SIDT1: variants seen among roughly 807,000 people sequenced by gnomAD.
SIDT1 encodes the protein SID1 transmembrane family, member 1.
In SIDT1, 101 loss-of-function variants were observed where a neutral mutation model predicts 107.5. The observed-to-expected ratio is 0.94, with a 90% CI of 0.80 to 1.11. The LOEUF is 1.11. Ranked by LOEUF, SIDT1 falls within the 50% of genes least tolerant of loss-of-function variation. SIDT1 has a pLI of 0.00. For missense variants in SIDT1, 1,076 were observed against 1,058.2 expected (o/e 1.02, Z -0.23); for synonymous variants, 395 against 398.2 (o/e 0.99, Z 0.10).
At chr3:113,614,691 C>G (rs959237243) in intron 19 of SIDT1, among the ~76,000 whole-genome samples, 7 of 152,184 alleles carry the variant, frequency 4.6e-5, no homozygotes, top group African/African-American at 1.7e-4. Flanking sequence ...TCATCATTAG[C>G]TCTCATAAAC....
At chr3:113,625,005 A>G (rs1365236086) in intron 23 of SIDT1, among the ~76,000 whole-genome samples, 3 of 152,184 alleles carry the variant, frequency 2.0e-5, no homozygotes, top group Non-Finnish European at 2.9e-5. Flanking sequence ...TATTTTGCCT[A>G]TTGTGAACAG....
chr3:113,615,222 G>A, intron 19 of SIDT1: 1 of 818,136 alleles, frequency 1.2e-6, no homozygotes, highest in Non-Finnish European at 2.0e-6. Context: ...GAGAGGCTCA[G>A]AGGGGAGGCT....
intron 1 of SIDT1, among the ~76,000 whole-genome samples, chr3:113,544,630 A>G (rs72950862): frequency 0.042 from 6,422 of 152,260 alleles, 257 homozygotes; most frequent in African/African-American, 0.11. Flanking sequence ...ATGTGTCTTC[A>G]TTATTAGATC....
chr3:113,562,133 T>C (rs1316250099), intron 1 of SIDT1, among the ~76,000 whole-genome samples: 1 of 152,148 alleles, frequency 6.6e-6, no homozygotes, highest in Non-Finnish European at 1.5e-5. Context: ...GCAGTTTAAA[T>C]ATCATGTGGT....
At position 113,611,108 on chromosome 3, in the gene SIDT1, C is replaced by T; in HGVS notation, c.1821C>T (p.Ser607=). The T allele has an allele frequency of 6.2e-7, 1 of 1,614,146 alleles. No homozygotes were observed. ...INASAYSAYA[S]FAVVIMVTVL... is the part of the protein sequence containing the mutation. ...CCAGCGCCTACTCTGCCTATGCCTC[C>T]TTTGCTGTGGTCATCATGGTCACCG... Residue 607 remains serine, a synonymous_variant, in exon 18 of 25, where the codon TCC becomes TCT. Coordinates refer to ENST00000264852, the MANE Select transcript of SIDT1 (RefSeq NM_017699.3).
chr3:113,564,082 G>A (rs1941689373), intron 1 of SIDT1, among the ~76,000 whole-genome samples: 2 of 152,162 alleles, frequency 1.3e-5, no homozygotes, highest in South Asian at 4.1e-4. Flanking sequence ...CCGAGTAGCT[G>A]TGATTACGGG....
At position 113,601,627 on chromosome 3, in the gene SIDT1, G is replaced by A. The variant is rs1424965014; in HGVS notation, c.1085G>A (p.Ser362Asn). ...NMVASHPIAA[S>N]TPEGSNYGTI... ...GTGGCATCTCATCCCATTGCTGCCA[G>A]CACACCCGAAGGGAGCAATTATGGG... is the stretch of plus-strand genomic sequence containing the variant. The change falls in exon 11 of 25, where the codon AGC becomes AAC. Residue 362 changes from serine (S) to asparagine (N), a missense_variant. Physicochemically the swap from Ser to Asn is conservative, Grantham distance 46. Transcript: ENST00000264852. The A allele has an allele frequency of 1.2e-6, 2 of 1,613,866 alleles. No individual in the cohort carries two copies. The highest frequency in any genetic ancestry group is 8.5e-7 in the Non-Finnish European group (1 of 1,179,790).
chr3:113,574,913 A>G (rs989361793), intron 3 of SIDT1, among the ~76,000 whole-genome samples: 4 of 152,188 alleles, frequency 2.6e-5, no homozygotes, highest in South Asian at 2.1e-4. Context: ...TCTGTTGTCA[A>G]TGACCCCTAA....
chr3:113,541,492 T>C (rs1165560355), intron 1 of SIDT1, among the ~76,000 whole-genome samples: 1 of 152,242 alleles, frequency 6.6e-6, no homozygotes, highest in Non-Finnish European at 1.5e-5. Context: ...TTTAAAGTTC[T>C]AGTCCTTATG....
intron 1 of SIDT1, among the ~76,000 whole-genome samples, chr3:113,561,316 C>G (rs1184147099): frequency 6.6e-6 from 1 of 152,164 alleles, no homozygotes; most frequent in Non-Finnish European, 1.5e-5. Context: ...ATCTCCTACT[C>G]TAATATATTT....
chr3:113,629,914 C>T (rs192468545), downstream of SIDT1, among the ~76,000 whole-genome samples: 36 of 152,316 alleles, frequency 2.4e-4, no homozygotes, highest in Admixed American at 2.1e-3. Context: ...AATATCAGTT[C>T]TAAATGTACA....
At chr3:113,612,275 T>G (rs1945813211) in intron 19 of SIDT1, 81 bp downstream of exon 19, 3 of 997,142 alleles carry the variant, frequency 3.0e-6, no homozygotes, top group Non-Finnish European at 3.2e-6. Context: ...TTATGCTGAA[T>G]GAAAGTGTCA....
Position 113,628,328 on chromosome 3 carries a change from G to A in SIDT1, c.*620G>A, listed in dbSNP as rs1946985265. On this transcript the variant is annotated 3_prime_UTR_variant, in exon 25 of 25. Transcript: ENST00000264852. The stretch of plus-strand genomic sequence containing the variant: ...ATGCCATCAGAAGGGCTCAGGAGTG[G>A]GGTTTGTCACACATTCCTCTTAACA... 1 of 152,996 alleles carries A rather than the reference G, an allele frequency of 6.5e-6. No homozygotes were observed. The highest frequency in any genetic ancestry group is 2.4e-5 in the African/African-American group (1 of 41,436). 9.5% of individuals were successfully genotyped at this position (152,996 alleles called of 1,614,324 possible). A position where few individuals can be genotyped will look rare whatever the true frequency, so the allele number is the denominator to read the frequency against.
intron 17 of SIDT1, among the ~76,000 whole-genome samples, chr3:113,608,760 A>G (rs1348102615): frequency 6.6e-6 from 1 of 152,218 alleles, no homozygotes; most frequent in Non-Finnish European, 1.5e-5. Context: ...AATAATAAGG[A>G]CATCCAGATG....
intron 9 of SIDT1, 134 bp from the exon 10 acceptor site, chr3:113,592,871 C>T (rs534185047): frequency 4.0e-6 from 3 of 743,742 alleles, no homozygotes; most frequent in Admixed American, 1.9e-5. Context: ...CAGGTGTGTG[C>T]CACCGCACCT....
At chr3:113,619,033 C>T (rs1442923431) in intron 20 of SIDT1, among the ~76,000 whole-genome samples, 1 of 152,172 alleles carries the variant, frequency 6.6e-6, no homozygotes, top group Non-Finnish European at 1.5e-5. Flanking sequence ...CCATGTCAGC[C>T]AGGCTGGTTT....
intron 13 of SIDT1, among the ~76,000 whole-genome samples, 193 bp from the exon 14 acceptor site, chr3:113,604,717 C>A (rs947057839): frequency 2.0e-5 from 3 of 152,158 alleles, no homozygotes; most frequent in Non-Finnish European, 4.4e-5. Context: ...AGACAAGATA[C>A]TGTGTACCAA....
intron 1 of SIDT1, among the ~76,000 whole-genome samples, chr3:113,565,284 C>A (rs1034246328): frequency 3.3e-5 from 5 of 152,108 alleles, no homozygotes; most frequent in African/African-American, 1.2e-4. Context: ...GTAATCCCAG[C>A]ACTTTGGGAG....
chr3:113,556,821 C>CTTTTTTTTTTTTTTTTT (rs61672960), intron 1 of SIDT1, among the ~76,000 whole-genome samples: 6 of 107,656 alleles, frequency 5.6e-5, no homozygotes, highest in Admixed American at 1.1e-4. Flanking sequence ...GTTTCTTTTT[C>CTTTTTTTTTTTTTTTTT]TTTTTTTTTT....
Sources: gnomAD v4.1 joint callset for allele counts (sites outside exome capture counted in the v4.1 genomes callset) on GRCh38, gnomAD v4.1.1 for gene constraint, MANE v1.5 for transcripts, NCBI Gene and HGNC (gene_info 2026-07-23, HGNC 2026-07-21) for gene names.